Variants in RAB6A observed in about 807,000 individuals in gnomAD.
The protein encoded by RAB6A is ras-related protein Rab-6A.
RAB6A carries 8 observed loss-of-function variants against 32.3 expected under a neutral mutation model. The ratio of observed to expected loss-of-function variants is 0.25; its 90% CI spans 0.15 to 0.45. RAB6A has a LOEUF of 0.45. Among genes scored for constraint, RAB6A ranks in the 20% least tolerant of loss-of-function variants. The pLI is 1.00. For missense variants in RAB6A, 104 were observed against 249.4 expected (o/e 0.42, Z 3.93); for synonymous variants, 73 against 82.1 (o/e 0.89, Z 0.60).
At chr11:73,697,712 C>T (rs546525470) in intron 6 of RAB6A, among the ~76,000 whole-genome samples, 8 of 152,150 alleles carry the variant, frequency 5.3e-5, no homozygotes, top group African/African-American at 1.4e-4. Context: ...AATTGTCTAA[C>T]TCTCCATACC....
intron 6 of RAB6A, 77 bp from the exon 7 acceptor site, chr11:73,679,797 G>A: frequency 6.3e-7 from 1 of 1,576,026 alleles, no homozygotes; most frequent in Middle Eastern, 1.7e-4. Flanking sequence ...TCACTGTACA[G>A]TGAGCTGTCT....
chr11:73,693,714 T>C (rs2134889868), intron 6 of RAB6A, among the ~76,000 whole-genome samples: 2 of 152,100 alleles, frequency 1.3e-5, no homozygotes, highest in South Asian at 4.1e-4. Context: ...TGAGACCTCG[T>C]CTCTACTAAA....
At chr11:73,701,984 T>C (rs1246071162) in intron 6 of RAB6A, among the ~76,000 whole-genome samples, 1 of 152,108 alleles carries the variant, frequency 6.6e-6, no homozygotes, top group Non-Finnish European at 1.5e-5. Flanking sequence ...AGTCAACAGA[T>C]AATGAAGACA....
At chr11:73,686,787 T>A (rs1167221085) in intron 6 of RAB6A, among the ~76,000 whole-genome samples, 1 of 152,132 alleles carries the variant, frequency 6.6e-6, no homozygotes, top group African/African-American at 2.4e-5. Context: ...TATTCACATA[T>A]CTACCTATTT....
intron 1 of RAB6A, among the ~76,000 whole-genome samples, chr11:73,734,044 T>C (rs1055515788): frequency 1.3e-5 from 2 of 152,162 alleles, no homozygotes; most frequent in Admixed American, 6.6e-5. Context: ...ACCCCTGATA[T>C]ACTGTGACAA....
chr11:73,714,601 G>A (rs1448869566), intron 5 of RAB6A, among the ~76,000 whole-genome samples: 1 of 151,790 alleles, frequency 6.6e-6, no homozygotes, highest in Admixed American at 6.6e-5. Context: ...GGCAGAGGTT[G>A]CAGTGAGCCG....
intron 4 of RAB6A, among the ~76,000 whole-genome samples, chr11:73,717,724 G>A (rs118089862): frequency 0.044 from 6,626 of 152,308 alleles, 202 homozygotes; most frequent in Middle Eastern, 0.088. Context: ...GATTTCCGGC[G>A]TGAGCCACTG....
At chr11:73,714,994 T>C (rs1946032047) in intron 5 of RAB6A, among the ~76,000 whole-genome samples, 3 of 152,182 alleles carry the variant, frequency 2.0e-5, no homozygotes, top group African/African-American at 4.8e-5. Context: ...ACAAAGTCTC[T>C]AGAGTGAGGA....
rs1590880715 is a variant in RAB6A at position 73,739,279 on chromosome 11, A to T, written c.71-8456T>A. 4.5e-5 allele frequency among the ~76,000 whole-genome samples: 2 copies of T among 44,838 alleles called. 1 individual carries two copies. The highest frequency in any genetic ancestry group is 1.2e-4 in the African/African-American group (2 of 16,210). 29.4% of individuals were successfully genotyped at this position (44,838 alleles called of 152,430 possible). ...AATAATAATTAAAAAAAAAAAAAAA[A>T]AAAAAATATATATATATATATATAT... On this transcript the variant is annotated intron_variant, in intron 1 of 7. Coordinates refer to ENST00000336083, the MANE Select transcript of RAB6A (RefSeq NM_198896.2).
intron 5 of RAB6A, among the ~76,000 whole-genome samples, chr11:73,708,293 T>C (rs1945882142): frequency 6.6e-6 from 1 of 152,096 alleles, no homozygotes; most frequent in African/African-American, 2.4e-5. Context: ...CTCAGCCTCC[T>C]GAGCAGCTGG....
intron 1 of RAB6A, among the ~76,000 whole-genome samples, chr11:73,734,844 C>A (rs749810033): frequency 9.2e-5 from 14 of 152,246 alleles, no homozygotes; most frequent in Non-Finnish European, 1.9e-4. Flanking sequence ...AGGAACAAGA[C>A]AACTACAAGT....
intron 5 of RAB6A, among the ~76,000 whole-genome samples, chr11:73,713,915 G>T (rs954248959): frequency 6.6e-6 from 1 of 152,066 alleles, no homozygotes; most frequent in African/African-American, 2.4e-5. Flanking sequence ...TTCAGATAGG[G>T]CTTGTTGGCT....
chr11:73,724,518 C>T (rs1946187969), intron 2 of RAB6A, among the ~76,000 whole-genome samples: 2 of 144,378 alleles, frequency 1.4e-5, no homozygotes, highest in African/African-American at 2.6e-5. Flanking sequence ...CGGAGTCTCG[C>T]TCTGTCACCC....
At chr11:73,710,737 G>GA (rs56077645) in intron 5 of RAB6A, among the ~76,000 whole-genome samples, 84 of 142,094 alleles carry the variant, frequency 5.9e-4, no homozygotes, top group Middle Eastern at 3.6e-3. Context: ...ACTCAGTCTT[G>GA]AAAAAAAAAA....
chr11:73,700,609 T>TGGGGGGGG (rs59223959), intron 6 of RAB6A, among the ~76,000 whole-genome samples: 12 of 28,612 alleles, frequency 4.2e-4, no homozygotes, highest in African/African-American at 1.8e-3. Flanking sequence ...AGTGTGTGTG[T>TGGGGGGGG]GGGGGGGGGG....
At chr11:73,751,393 T>A (rs982899591) in intron 1 of RAB6A, among the ~76,000 whole-genome samples, 1 of 152,130 alleles carries the variant, frequency 6.6e-6, no homozygotes, top group African/African-American at 2.4e-5. Context: ...AAAGTAGTAA[T>A]TGACCTAAAA....
chr11:73,753,548 A>G (rs1443338680), intron 1 of RAB6A, among the ~76,000 whole-genome samples: 1 of 151,672 alleles, frequency 6.6e-6, no homozygotes, highest in African/African-American at 2.4e-5. Context: ...CGTCTCTACT[A>G]AAAGTACAAA....
In RAB6A at chr11:73,760,872, G is replaced by C. The variant is rs1946834600; in HGVS notation, c.-237C>G. Reference sequence around the variant, plus strand: ...GCGAGGCCCGCGGCTGGGAAGGGAAGGAGGGCGGTGTCGGCAGGAGCCAGG... The same window carrying C: ...GCGAGGCCCGCGGCTGGGAAGGGAACGAGGGCGGTGTCGGCAGGAGCCAGG... On this transcript the variant is annotated 5_prime_UTR_variant, in exon 1 of 8. Coordinates refer to ENST00000336083, the MANE Select transcript of RAB6A (RefSeq NM_198896.2). 2 of 516,736 alleles carry C rather than the reference G, an allele frequency of 3.9e-6. No homozygotes were observed. Among genetic ancestry groups the C allele is most frequent in the Non-Finnish European group, 3.5e-6 (1 of 289,716 alleles). 32.0% of individuals were successfully genotyped at this position (516,736 alleles called of 1,614,324 possible). A position where few individuals can be genotyped will look rare whatever the true frequency, so the allele number is the denominator to read the frequency against.
intron 6 of RAB6A, among the ~76,000 whole-genome samples, chr11:73,682,654 C>T (rs1488927744): frequency 7.9e-5 from 12 of 152,166 alleles, no homozygotes; most frequent in Admixed American, 5.9e-4. Context: ...CAGAGCGAGA[C>T]TCCATCTCAA....
Sources: allele counts gnomAD v4.1 joint callset (sites outside exome capture counted in the v4.1 genomes callset), GRCh38; gene constraint gnomAD v4.1.1; transcripts MANE v1.5; gene names NCBI Gene and HGNC (gene_info 2026-07-23, HGNC 2026-07-21).